The following PPM1L variants were observed in gnomAD, a reference collection of about 807,000 sequenced individuals.
The protein encoded by PPM1L is protein phosphatase 1L.
PPM1L carries 13 observed loss-of-function variants against 31.4 expected under a neutral mutation model. The ratio of observed to expected loss-of-function variants is 0.41; its 90% CI spans 0.27 to 0.66. The LOEUF is 0.66. PPM1L is among the 30% of genes least tolerant of loss of function. The pLI, the probability that PPM1L is intolerant of heterozygous loss-of-function variation, is 0.29. For missense variants in PPM1L, 326 were observed against 453.7 expected (o/e 0.72, Z 2.56); for synonymous variants, 184 against 175.4 (o/e 1.05, Z -0.39).
At chr3:161,028,743 G>A (rs1301350264) in intron 2 of PPM1L, among the ~76,000 whole-genome samples, 1 of 152,128 alleles carries the variant, frequency 6.6e-6, no homozygotes, top group African/African-American at 2.4e-5. Flanking sequence ...TCTCCCGGGT[G>A]GTAGAATGTT....
chr3:160,794,820 GTT>G (rs1222639629), intron 1 of PPM1L, among the ~76,000 whole-genome samples: 1 of 152,202 alleles, frequency 6.6e-6, no homozygotes, highest in East Asian at 1.9e-4. Flanking sequence ...TTCTAAGAAA[GTT>G]TACAAATTTG....
intron 1 of PPM1L, among the ~76,000 whole-genome samples, chr3:160,828,092 G>A (rs1165259354): frequency 6.6e-6 from 1 of 151,948 alleles, no homozygotes; most frequent in Non-Finnish European, 1.5e-5. Context: ...CCACCAGGCC[G>A]CACCTCCAGC....
intron 2 of PPM1L, among the ~76,000 whole-genome samples, chr3:161,005,005 G>A (rs1050902378): frequency 9.2e-5 from 14 of 152,112 alleles, no homozygotes; most frequent in African/African-American, 3.1e-4. Flanking sequence ...TCTACACACT[G>A]CTTTGAATGC....
intron 1 of PPM1L, among the ~76,000 whole-genome samples, chr3:160,775,501 C>T (rs1259157742): frequency 6.6e-6 from 1 of 152,140 alleles, no homozygotes; most frequent in Non-Finnish European, 1.5e-5. Context: ...ATCCAAAAGT[C>T]CTTTAAATAA....
chr3:161,038,213 G>A (rs1220806232), intron 2 of PPM1L, among the ~76,000 whole-genome samples: 2 of 126,100 alleles, frequency 1.6e-5, no homozygotes, highest in Non-Finnish European at 1.6e-5. Flanking sequence ...CAGCCTGGGC[G>A]ACAGAGCGAG....
At chr3:160,982,827 T>C (rs939752587) in intron 2 of PPM1L, among the ~76,000 whole-genome samples, 3 of 152,206 alleles carry the variant, frequency 2.0e-5, no homozygotes, top group South Asian at 2.1e-4. Flanking sequence ...ACAGTAAACA[T>C]GTAAGCCTCT....
At chr3:161,064,899 T>C (rs1391572660) in intron 2 of PPM1L, among the ~76,000 whole-genome samples, 1 of 152,042 alleles carries the variant, frequency 6.6e-6, no homozygotes, top group Non-Finnish European at 1.5e-5. Flanking sequence ...AGACTTTGTA[T>C]AGGCAAGCTC....
intron 2 of PPM1L, among the ~76,000 whole-genome samples, chr3:161,013,582 T>C (rs1717968639): frequency 6.6e-6 from 1 of 152,198 alleles, no homozygotes; most frequent in East Asian, 1.9e-4. Flanking sequence ...ATATCCTTGT[T>C]AACTTTGTGT....
chr3:160,782,516 A>G (rs975554371), intron 1 of PPM1L, among the ~76,000 whole-genome samples: 2 of 152,192 alleles, frequency 1.3e-5, no homozygotes, highest in Admixed American at 6.5e-5. Context: ...CTTCTGGGCT[A>G]TGTGGAAAGG....
intron 2 of PPM1L, among the ~76,000 whole-genome samples, chr3:161,032,420 TA>T (rs1445204707): frequency 6.6e-6 from 1 of 152,222 alleles, no homozygotes; most frequent in Non-Finnish European, 1.5e-5. Context: ...AAGGCTTTCT[TA>T]CTTACATATA....
intron 1 of PPM1L, among the ~76,000 whole-genome samples, chr3:160,914,362 A>C (rs1454301374): frequency 6.6e-6 from 1 of 151,976 alleles, no homozygotes; most frequent in Non-Finnish European, 1.5e-5. Flanking sequence ...ATATGTATAC[A>C]TGTGCCATGT....
intron 1 of PPM1L, among the ~76,000 whole-genome samples, chr3:160,802,527 G>A (rs750714743): frequency 5.9e-5 from 9 of 152,166 alleles, no homozygotes; most frequent in Non-Finnish European, 1.3e-4. Flanking sequence ...ATTGAGCGCC[G>A]GGCTGGGTAC....
intron 3 of PPM1L, among the ~76,000 whole-genome samples, chr3:161,066,599 A>C (rs1719747942): frequency 6.6e-6 from 1 of 152,174 alleles, no homozygotes; most frequent in Non-Finnish European, 1.5e-5. Context: ...GAATACCTTT[A>C]TACCTATGTA....
In PPM1L at chr3:161,058,884, TAC is replaced by T. The variant is rs544407637; in HGVS notation, c.575-6517_575-6516del. Reference sequence around the variant, plus strand: ...AAGTTACATAACCCTCATTAGGATTTACAGTTTTCTCAAGCTCTACTTGTCAA... The same window carrying T: ...AAGTTACATAACCCTCATTAGGATTTAGTTTTCTCAAGCTCTACTTGTCAA... On this transcript the variant is annotated intron_variant, in intron 2 of 3. Transcript: ENST00000498165. Among the ~76,000 whole-genome samples the T allele has an allele frequency of 2.9e-3, 436 of 152,292 alleles. 5 individuals are homozygous for T. The highest frequency in any genetic ancestry group is 3.7e-3 in the Non-Finnish European group (253 of 68,000).
chr3:160,855,924 A>G (rs1403566853), intron 1 of PPM1L, among the ~76,000 whole-genome samples: 1 of 152,080 alleles, frequency 6.6e-6, no homozygotes, highest in Non-Finnish European at 1.5e-5. Context: ...AGGGGAGTTT[A>G]TTAAGGAGTA....
intron 1 of PPM1L, among the ~76,000 whole-genome samples, chr3:160,904,081 A>G (rs1290818203): frequency 1.3e-5 from 2 of 152,184 alleles, no homozygotes; most frequent in Non-Finnish European, 1.5e-5. Flanking sequence ...CAGGGGAATG[A>G]ACCTCTACCA....
At position 161,069,174 on chromosome 3, in the gene PPM1L, A is replaced by G; in HGVS notation, c.*17A>G. ...GAGCAGTGAACCCTTCAGGGGTCTC[A>G]GCTGCCTTAGACTAAAGGACTTTCA... On this transcript the variant is annotated 3_prime_UTR_variant, in exon 4 of 4. Transcript: ENST00000498165. 6.3e-7 allele frequency: 1 copy of G among 1,581,240 alleles called. No homozygotes were observed. The highest frequency in any genetic ancestry group is 8.6e-7 in the Non-Finnish European group (1 of 1,158,114).
chr3:161,063,397 T>C (rs1719630573), intron 2 of PPM1L, among the ~76,000 whole-genome samples: 1 of 152,222 alleles, frequency 6.6e-6, no homozygotes, highest in South Asian at 2.1e-4. Flanking sequence ...TGTTTCCATA[T>C]CTGATCAAGG....
chr3:160,830,879 C>T (rs1713505905), intron 1 of PPM1L, among the ~76,000 whole-genome samples: 2 of 152,148 alleles, frequency 1.3e-5, no homozygotes, highest in Admixed American at 1.3e-4. Flanking sequence ...TATTTAAAAA[C>T]TATTTAAAGC....
Sources: gnomAD v4.1 joint callset for allele counts (sites outside exome capture counted in the v4.1 genomes callset) on GRCh38, gnomAD v4.1.1 for gene constraint, MANE v1.5 for transcripts, NCBI Gene and HGNC (gene_info 2026-07-23, HGNC 2026-07-21) for gene names.